The following CTNNA1 variants were observed in gnomAD, a reference collection of about 807,000 sequenced individuals.
The protein encoded by CTNNA1 is catenin alpha 1.
CTNNA1 carries 37 observed loss-of-function variants against 98.4 expected under a neutral mutation model. The observed-to-expected ratio is 0.38, with a 90% CI of 0.29 to 0.49. The LOEUF (loss-of-function observed/expected upper bound fraction) is 0.49. Among genes scored for constraint, CTNNA1 ranks in the 20% least tolerant of loss-of-function variants. The pLI, the probability that CTNNA1 is intolerant of heterozygous loss-of-function variation, is 0.95. For synonymous variants in CTNNA1, 404 were observed against 413.2 expected, an observed-to-expected ratio of 0.98 and a Z score of 0.27; for missense variants, 761 against 1,147.2, an observed-to-expected ratio of 0.66 and a Z score of 4.86.
At chr5:138,802,891 G>T (rs1158899656) in intron 3 of CTNNA1, among the ~76,000 whole-genome samples, 1 of 152,102 alleles carries the variant, frequency 6.6e-6, no homozygotes, top group Non-Finnish European at 1.5e-5. Flanking sequence ...TTGACCTCGT[G>T]TGCTTAAGTG....
intron 3 of CTNNA1, among the ~76,000 whole-genome samples, chr5:138,787,863 A>T (rs141476956): frequency 2.0e-5 from 3 of 152,344 alleles, no homozygotes; most frequent in Non-Finnish European, 4.4e-5. Flanking sequence ...TGTTAAAAAA[A>T]TTCACGTACA....
chr5:138,922,969 T>TA (rs1203294391), intron 11 of CTNNA1, among the ~76,000 whole-genome samples: 2 of 149,814 alleles, frequency 1.3e-5, no homozygotes, highest in African/African-American at 5.0e-5. Flanking sequence ...AGACAAAGGT[T>TA]AAAAAATCCT....
intron 9 of CTNNA1, chr5:138,891,192 T>C (rs2150054230): frequency 6.6e-6 from 1 of 152,372 alleles, no homozygotes; most frequent in East Asian, 1.9e-4. Flanking sequence ...GGGAATCTGA[T>C]CCCATCTCTT....
In CTNNA1 at chr5:138,799,857, G is replaced by GATGTATGTATGTATGT. The variant is rs55698183; in HGVS notation, c.302-10160_302-10145dup. Among the ~76,000 whole-genome samples the GATGTATGTATGTATGT allele has an allele frequency of 6.4e-3, 948 of 149,122 alleles. 8 individuals are homozygous for GATGTATGTATGTATGT. Among genetic ancestry groups the GATGTATGTATGTATGT allele is most frequent in the East Asian group, 0.033 (167 of 5,042 alleles). On this transcript the variant is annotated intron_variant, in intron 3 of 17. Transcript: ENST00000302763. ...GCTAAAATAAATTAGAGTAGATGTAGATGTATGTATGTATGTATGTATGTA... is the reference window on the plus strand; with the variant it reads ...GCTAAAATAAATTAGAGTAGATGTAGATGTATGTATGTATGTATGTATGTATGTATGTATGTATGTA...
chr5:138,785,972 T>C (rs1303725707), intron 3 of CTNNA1, among the ~76,000 whole-genome samples: 2 of 152,212 alleles, frequency 1.3e-5, no homozygotes. Flanking sequence ...CAGAAGTTTC[T>C]CCAGTGCAAA....
intron 3 of CTNNA1, among the ~76,000 whole-genome samples, chr5:138,792,947 T>C (rs1756536729): frequency 6.6e-6 from 1 of 152,200 alleles, no homozygotes; most frequent in African/African-American, 2.4e-5. Flanking sequence ...ATCTTACCTT[T>C]TCCCCTTGTT....
At chr5:138,848,948 T>C (rs1237098786) in intron 7 of CTNNA1, among the ~76,000 whole-genome samples, 4 of 152,202 alleles carry the variant, frequency 2.6e-5, no homozygotes, top group Non-Finnish European at 4.4e-5. Context: ...GGTCTCGAAC[T>C]CCTGACCTCA....
intron 7 of CTNNA1, among the ~76,000 whole-genome samples, chr5:138,844,323 T>A (rs950499910): frequency 6.6e-6 from 1 of 152,170 alleles, no homozygotes; most frequent in Non-Finnish European, 1.5e-5. Context: ...AAGTTCTGTC[T>A]TGTATAGTAC....
chr5:138,874,768 A>G lies in CTNNA1; in HGVS notation c.1063-11444A>G, dbSNP rs1015234734. Reference sequence around the variant, plus strand: ...AAAGAAGATAAAACATGTCTCTGTCATCATCGATATATGCTTTTACCTAAA... The same window carrying G: ...AAAGAAGATAAAACATGTCTCTGTCGTCATCGATATATGCTTTTACCTAAA... On this transcript the variant is annotated intron_variant, in intron 7 of 17. Transcript: ENST00000302763. The surrounding 1 kb of genome is among the most constrained non-coding windows in gnomAD (Gnocchi z 4.1). 2.4e-6 allele frequency: 2 copies of G among 830,828 alleles called. No individual in the cohort carries two copies. Among genetic ancestry groups the G allele is most frequent in the African/African-American group, 3.4e-5 (2 of 58,886 alleles). 51.5% of individuals were successfully genotyped at this position (830,828 alleles called of 1,614,324 possible). A position where few individuals can be genotyped will look rare whatever the true frequency, so the allele number is the denominator to read the frequency against.
intron 5 of CTNNA1, 47 bp from the exon 6 acceptor site, chr5:138,824,483 G>A (rs772121871): frequency 1.3e-6 from 2 of 1,588,828 alleles, no homozygotes; most frequent in Admixed American, 1.7e-5. Flanking sequence ...TATGAGTAAA[G>A]CCCATATAAA....
chr5:138,842,689 A>G (rs1323490336), intron 7 of CTNNA1, among the ~76,000 whole-genome samples: 3 of 152,218 alleles, frequency 2.0e-5, no homozygotes, highest in Admixed American at 6.5e-5. Flanking sequence ...TAGCTCCCAG[A>G]AGCTTAGCGT....
chr5:138,882,754 G>C (rs770722062), intron 7 of CTNNA1, among the ~76,000 whole-genome samples: 2 of 152,184 alleles, frequency 1.3e-5, no homozygotes, highest in Non-Finnish European at 2.9e-5. Flanking sequence ...TTTGAGTAAC[G>C]TAATTTTTGT....
chr5:138,909,363 C>CTT (rs1160009869), intron 10 of CTNNA1, among the ~76,000 whole-genome samples: 1 of 144,592 alleles, frequency 6.9e-6, no homozygotes, highest in Non-Finnish European at 1.5e-5. Context: ...CCCCCCCACC[C>CTT]TTTTTTTTTT....
At chr5:138,929,139 A>C (rs1764765290) in intron 13 of CTNNA1, 107 bp from the exon 14 acceptor site, 1 of 772,644 alleles carries the variant, frequency 1.3e-6, no homozygotes, top group Non-Finnish European at 2.4e-6. Context: ...ACTGCACATT[A>C]AAATCCAGAA....
Position 138,755,678 on chromosome 5 carries a change from G to A in CTNNA1, c.-3+2168G>A, listed in dbSNP as rs537533578. On this transcript the variant is annotated intron_variant, in intron 1 of 17. Coordinates refer to ENST00000302763, the MANE Select transcript of CTNNA1 (RefSeq NM_001903.5). The stretch of plus-strand genomic sequence containing the variant: ...CTAAAAGTCCAAGCCTTTGAGTGCA[G>A]GTGTGTCTCCTGACCCACATGGTCA... Among the ~76,000 whole-genome samples the A allele has an allele frequency of 2.0e-5, 3 of 152,140 alleles. No homozygotes were observed. In the East Asian group the frequency reaches 5.8e-4, roughly 29 times the overall value.
At chr5:138,803,775 C>T (rs903772915) in intron 3 of CTNNA1, among the ~76,000 whole-genome samples, 2 of 152,228 alleles carry the variant, frequency 1.3e-5, no homozygotes, top group South Asian at 4.2e-4. Flanking sequence ...TCTCTCTGTC[C>T]TCCTTTCTGT....
Position 138,803,989 on chromosome 5 carries a change from G to A in CTNNA1, c.302-6049G>A, listed in dbSNP as rs553054451. On this transcript the variant is annotated intron_variant, in intron 3 of 17. Transcript: ENST00000302763. Reference sequence around the variant, plus strand: ...GCTCTTGAAGATTGCTGTTGAATAGGTGAATACTGATGAAACACAATGAAG... The same window carrying A: ...GCTCTTGAAGATTGCTGTTGAATAGATGAATACTGATGAAACACAATGAAG... Among the ~76,000 whole-genome samples, 291 of 152,330 alleles carry A rather than the reference G, an allele frequency of 1.9e-3. 2 individuals carry two copies. The highest frequency in any genetic ancestry group is 6.7e-3 in the African/African-American group (280 of 41,574).
rs1561773293 is a variant in CTNNA1 at position 138,930,453 on chromosome 5, C to T, written c.2011-20C>T. On this transcript the variant is annotated intron_variant, in intron 14 of 17. Coordinates refer to ENST00000302763, the MANE Select transcript of CTNNA1 (RefSeq NM_001903.5). The stretch of plus-strand genomic sequence containing the variant: ...TTCATATTCTTTTTATGTAAGAGCT[C>T]TTTGTGCTTCTGATCACAGGCGATC... The T allele has an allele frequency of 2.5e-6, 4 of 1,588,482 alleles. No individual in the cohort carries two copies. Among genetic ancestry groups the T allele is most frequent in the Non-Finnish European group, 3.4e-6 (4 of 1,166,252 alleles).
chr5:138,777,552 C>T (rs377594714), intron 1 of CTNNA1, among the ~76,000 whole-genome samples: 4,702 of 151,870 alleles, frequency 0.031, 38 homozygotes, highest in African/African-American at 0.096. Flanking sequence ...CGCCACTGCA[C>T]TCCAGCCTGG....
Sources: gnomAD v4.1 joint callset for allele counts (sites outside exome capture counted in the v4.1 genomes callset) on GRCh38, gnomAD v4.1.1 for gene constraint, Gnocchi (gnomAD v3.1) non-coding constraint, MANE v1.5 for transcripts, NCBI Gene and HGNC (gene_info 2026-07-23, HGNC 2026-07-21) for gene names.